The following ACTR3B variants were observed in gnomAD, a reference collection of about 807,000 sequenced individuals.
The protein encoded by ACTR3B is actin-related protein 3B.
Under a neutral mutation model 59.0 loss-of-function variants are expected in ACTR3B, and 8 were observed. The ratio of observed to expected loss-of-function variants is 0.14; its 90% CI spans 0.08 to 0.24. The LOEUF (loss-of-function observed/expected upper bound fraction) is 0.24. ACTR3B is among the 10% of genes least tolerant of loss of function. The pLI is 1.00. For synonymous variants in ACTR3B, 148 were observed against 197.9 expected (o/e 0.75, Z 2.12); for missense variants, 245 against 552.3 (o/e 0.44, Z 5.58).
chr7:152,850,294 T>G (rs973509438), intron 9 of ACTR3B, among the ~76,000 whole-genome samples: 2 of 150,124 alleles, frequency 1.3e-5, no homozygotes, highest in Non-Finnish European at 3.0e-5. Flanking sequence ...CACTGGTGGC[T>G]TCTCCAGGTA....
At chr7:152,832,222 T>A (rs1797089587) in intron 9 of ACTR3B, among the ~76,000 whole-genome samples, 1 of 152,110 alleles carries the variant, frequency 6.6e-6, no homozygotes. Flanking sequence ...GGGGGTCATT[T>A]ACTGACAGGA....
At position 152,844,239 on chromosome 7, in the gene ACTR3B, G is replaced by A. The variant is rs537088713; in HGVS notation, c.952-7887G>A. On this transcript the variant is annotated intron_variant, in intron 9 of 11. Transcript: ENST00000256001. ...TGCCCAGCTAATTTGTGTATTTTTA[G>A]TAGAGATGGGGTTTCACCATGTTGG... Among the ~76,000 whole-genome samples the A allele has an allele frequency of 7.0e-4, 106 of 152,068 alleles. 1 individual carries two copies. The East Asian group carries it at 0.018, about 26-fold the overall frequency.
chr7:152,776,642 T>A (rs2098136827), intron 1 of ACTR3B, among the ~76,000 whole-genome samples: 2 of 152,234 alleles, frequency 1.3e-5, no homozygotes, highest in Admixed American at 1.3e-4. Context: ...GAAATCCTAC[T>A]TCTTTTGAAT....
chr7:152,790,591 A>G (rs1374873753), intron 2 of ACTR3B, among the ~76,000 whole-genome samples: 1 of 152,130 alleles, frequency 6.6e-6, no homozygotes, highest in Non-Finnish European at 1.5e-5. Flanking sequence ...TCAATATTCA[A>G]AAGTGAGATT....
intron 8 of ACTR3B, among the ~76,000 whole-genome samples, chr7:152,823,842 A>G (rs2689592): frequency 1.1e-4 from 16 of 151,602 alleles, no homozygotes; most frequent in South Asian, 6.3e-4. Flanking sequence ...CTCAAGGCCT[A>G]TATGGAGGTT....
At chr7:152,843,047 T>G (rs1013168356) in intron 9 of ACTR3B, among the ~76,000 whole-genome samples, 21 of 152,248 alleles carry the variant, frequency 1.4e-4, no homozygotes, top group African/African-American at 4.3e-4. Flanking sequence ...ATTTGTTTAT[T>G]AAGTGACAAC....
intron 1 of ACTR3B, among the ~76,000 whole-genome samples, chr7:152,769,598 A>G (rs2098119319): frequency 6.6e-6 from 1 of 152,254 alleles, no homozygotes; most frequent in East Asian, 1.9e-4. Flanking sequence ...GCATATTTAT[A>G]TGTATTGATA....
chr7:152,854,525 A>T lies in ACTR3B; in HGVS notation c.1229A>T (p.His410Leu). 6.2e-7 allele frequency: 1 copy of T among 1,613,868 alleles called. No homozygotes were observed. Among genetic ancestry groups the T allele is most frequent in the East Asian group, 2.2e-5 (1 of 44,878 alleles). The change falls in exon 12 of 12, where the codon CAC (histidine) becomes CTC (leucine). Residue 410 changes from histidine (H) to leucine (L), a missense_variant. Physicochemically the swap from His to Leu is moderately conservative, Grantham distance 99. Transcript: ENST00000256001. This position sits in a 1 kb window ranked among gnomAD's most constrained non-coding sequence, Gnocchi z 4.9. ...YEEYGPSICR[H>L]NPVFGVMS is the part of the protein sequence containing the mutation. ...GAGTACGGGCCCAGCATCTGCCGCC[A>T]CAACCCCGTCTTTGGAGTCATGTCC...
At chr7:152,829,817 G>T (rs190001691) in intron 9 of ACTR3B, among the ~76,000 whole-genome samples, 1 of 152,174 alleles carries the variant, frequency 6.6e-6, no homozygotes, top group African/African-American at 2.4e-5. Context: ...TAACTTGCAC[G>T]CTTTACTTGA....
At chr7:152,823,028 G>C (rs180909684) in intron 7 of ACTR3B, among the ~76,000 whole-genome samples, 7,833 of 152,248 alleles carry the variant, frequency 0.051, 171 homozygotes, top group South Asian at 0.11. Flanking sequence ...GAGGAACAAG[G>C]CAAGACGAGG....
chr7:152,823,257 C>T, intron 7 of ACTR3B, 85 bp from the exon 8 acceptor site: 1 of 1,567,112 alleles, frequency 6.4e-7, no homozygotes, highest in East Asian at 2.3e-5. Flanking sequence ...GGTGTGTTTG[C>T]TCATGGGCTT....
chr7:152,831,965 A>G (rs531854346), intron 9 of ACTR3B, among the ~76,000 whole-genome samples: 2 of 152,266 alleles, frequency 1.3e-5, no homozygotes, highest in East Asian at 3.9e-4. Flanking sequence ...GCAGGAGTGT[A>G]ATGTGACCCA....
At chr7:152,815,333 C>CTCT (rs1158511515) in intron 5 of ACTR3B, among the ~76,000 whole-genome samples, 2 of 152,210 alleles carry the variant, frequency 1.3e-5, no homozygotes, top group Non-Finnish European at 2.9e-5. Flanking sequence ...AGTCCAGGCT[C>CTCT]TGAGGATTCC....
At chr7:152,769,317 CTCTTCACTAGAG>C (rs2098118655) in intron 1 of ACTR3B, among the ~76,000 whole-genome samples, 1 of 152,166 alleles carries the variant, frequency 6.6e-6, no homozygotes, top group African/African-American at 2.4e-5. Flanking sequence ...AATAACTTGT[CTCTTCACTAGAG>C]TTGTTGATTT....
At chr7:152,768,856 A>G (rs2098117364) in intron 1 of ACTR3B, among the ~76,000 whole-genome samples, 1 of 143,794 alleles carries the variant, frequency 7.0e-6, no homozygotes, top group East Asian at 2.1e-4. Flanking sequence ...AGGGCTTCCA[A>G]TTTTTTTTTT....
intron 1 of ACTR3B, among the ~76,000 whole-genome samples, chr7:152,768,722 C>T (rs972278749): frequency 2.0e-5 from 3 of 151,940 alleles, no homozygotes; most frequent in Non-Finnish European, 2.9e-5. Flanking sequence ...GTGAGCCACC[C>T]ACCTTGGCCC....
Position 152,786,570 on chromosome 7 carries a change from A to G in ACTR3B, c.100+3328A>G, listed in dbSNP as rs1224200139. On this transcript the variant is annotated intron_variant, in intron 2 of 11. Transcript: ENST00000256001. ...TCCGTCTCGAAAAAAAAAAAAAAAC[A>G]AAAAACAAACAAACCCCACACACAA... 2.6e-5 allele frequency: 4 copies of G among 156,202 alleles called. No homozygotes were observed. The East Asian group carries it at 7.7e-4, about 30-fold the overall frequency. The allele number at this position is 156,202 out of a possible 1,614,324, so 9.7% of individuals were successfully genotyped here.
In ACTR3B at chr7:152,763,023, A is replaced by G. The variant is rs532714314; in HGVS notation, c.44+3097A>G. 3.3e-4 allele frequency among the ~76,000 whole-genome samples: 50 copies of G among 152,258 alleles called. No homozygotes were observed. The Middle Eastern group carries it at 0.01, about 31-fold the overall frequency. On this transcript the variant is annotated intron_variant, in intron 1 of 11. Coordinates refer to ENST00000256001, the MANE Select transcript of ACTR3B (RefSeq NM_020445.6). ...CAGTTACTATTTTTCTTTGTAATTA[A>G]TAAGTCATTTGGCTGGGCGCGGTGG...
At chr7:152,829,978 T>C (rs1263785021) in intron 9 of ACTR3B, among the ~76,000 whole-genome samples, 1 of 152,220 alleles carries the variant, frequency 6.6e-6, no homozygotes, top group South Asian at 2.1e-4. Flanking sequence ...GGTTCTTGCC[T>C]TCAAGAGCTT....
Sources: gnomAD v4.1 joint callset for allele counts (sites outside exome capture counted in the v4.1 genomes callset) on GRCh38, gnomAD v4.1.1 for gene constraint, Gnocchi (gnomAD v3.1) non-coding constraint, MANE v1.5 for transcripts, NCBI Gene and HGNC (gene_info 2026-07-23, HGNC 2026-07-21) for gene names.